The following GPC5 variants were observed in gnomAD, a reference collection of about 807,000 sequenced individuals.
GPC5 encodes glypican-5.
A neutral mutation model predicts 53.9 loss-of-function variants in GPC5; 47 were observed. That is an observed-to-expected ratio of 0.87 (90% CI 0.69 to 1.11). The LOEUF is 1.11. GPC5 is among the 50% of genes most tolerant of loss of function. The pLI, the probability that GPC5 is intolerant of heterozygous loss-of-function variation, is 0.00. For synonymous variants in GPC5, 286 were observed against 263.3 expected (o/e 1.09, Z -0.84); for missense variants, 748 against 713.1 (o/e 1.05, Z -0.56).
chr13:91,454,664 C>G (rs578213967), intron 2 of GPC5, among the ~76,000 whole-genome samples: 4 of 152,028 alleles, frequency 2.6e-5, no homozygotes, highest in Non-Finnish European at 5.9e-5. Context: ...TGATACTTAG[C>G]AAGAAGACTT....
intron 7 of GPC5, among the ~76,000 whole-genome samples, chr13:92,695,991 T>C (rs1887545651): frequency 6.6e-6 from 1 of 152,146 alleles, no homozygotes; most frequent in South Asian, 2.1e-4. Flanking sequence ...GAATGACAGT[T>C]TCCAGCCTCA....
chr13:91,610,471 G>T (rs1355318344), intron 2 of GPC5, among the ~76,000 whole-genome samples: 3 of 152,158 alleles, frequency 2.0e-5, no homozygotes, highest in African/African-American at 7.2e-5. Flanking sequence ...CAAAGGGATA[G>T]GCTATTAAGA....
rs2039399363 is a variant in GPC5, at chr13:91,892,621, TA to T, written c.1281-15311del. On this transcript the variant is annotated intron_variant, in intron 5 of 7. Transcript: ENST00000377067. ...CTGTTACAAATTAGTATTTTGTAGA[TA>T]AAAATTATTATATAATTTTAGAAAC... Among the ~76,000 whole-genome samples, 2 of 151,712 alleles carry T rather than the reference TA, an allele frequency of 1.3e-5. 1 individual carries two copies. Among genetic ancestry groups the T allele is most frequent in the South Asian group, 4.1e-4 (2 of 4,828 alleles).
chr13:92,817,655 T>A (rs1464751696), intron 7 of GPC5, among the ~76,000 whole-genome samples: 1 of 152,008 alleles, frequency 6.6e-6, no homozygotes, highest in Non-Finnish European at 1.5e-5. Flanking sequence ...CTTTGGAAAT[T>A]TTATTTTCTA....
At chr13:91,513,462 T>C (rs1437113458) in intron 2 of GPC5, among the ~76,000 whole-genome samples, 1 of 152,058 alleles carries the variant, frequency 6.6e-6, no homozygotes, top group African/African-American at 2.4e-5. Flanking sequence ...AACACTGGGC[T>C]GGGCGCGGTG....
intron 7 of GPC5, among the ~76,000 whole-genome samples, chr13:92,152,859 C>T (rs1422857915): frequency 6.6e-6 from 1 of 152,110 alleles, no homozygotes; most frequent in African/African-American, 2.4e-5. Context: ...TCCACCGAGT[C>T]CAAGAAATAC....
intron 7 of GPC5, among the ~76,000 whole-genome samples, chr13:92,233,605 C>T (rs1184563478): frequency 2.0e-5 from 3 of 152,068 alleles, no homozygotes; most frequent in African/African-American, 4.8e-5. Flanking sequence ...ATGCATTATT[C>T]TTTCATTACC....
intron 1 of GPC5, among the ~76,000 whole-genome samples, chr13:91,440,799 T>C (rs1007007941): frequency 5.3e-5 from 8 of 152,240 alleles, no homozygotes; most frequent in African/African-American, 1.9e-4. Flanking sequence ...GCAACAACTA[T>C]AATTTTCATT....
At chr13:91,441,094 T>A (rs56387415) in intron 1 of GPC5, among the ~76,000 whole-genome samples, 5,293 of 152,328 alleles carry the variant, frequency 0.035, 138 homozygotes, top group Non-Finnish European at 0.051. Flanking sequence ...AGAAAACTAA[T>A]CCCCTGCTTT....
chr13:92,684,914 T>A (rs141580256), intron 7 of GPC5, among the ~76,000 whole-genome samples: 1 of 152,176 alleles, frequency 6.6e-6, no homozygotes, highest in African/African-American at 2.4e-5. Context: ...AGTATTGGTA[T>A]TTTGGATTTT....
At chr13:92,510,630 G>C (rs1880530491) in intron 7 of GPC5, among the ~76,000 whole-genome samples, 1 of 152,120 alleles carries the variant, frequency 6.6e-6, no homozygotes, top group Admixed American at 6.6e-5. Flanking sequence ...CTCCTGCTGG[G>C]ATCAAGACAC....
intron 5 of GPC5, among the ~76,000 whole-genome samples, chr13:91,832,011 C>T (rs928305180): frequency 2.6e-5 from 4 of 150,992 alleles, no homozygotes; most frequent in East Asian, 1.9e-4. Context: ...TCCTGAATAT[C>T]CTTGTTAACC....
intron 6 of GPC5, among the ~76,000 whole-genome samples, chr13:92,109,124 T>G (rs1437511861): frequency 4.9e-5 from 7 of 142,342 alleles, no homozygotes; most frequent in Non-Finnish European, 1.0e-4. Flanking sequence ...TGGAGTGCAG[T>G]GGCACAATCT....
At chr13:92,385,729 A>ACG (rs1327101576) in intron 7 of GPC5, among the ~76,000 whole-genome samples, 58 of 144,282 alleles carry the variant, frequency 4.0e-4, no homozygotes, top group African/African-American at 1.3e-3. Context: ...ACATATATAC[A>ACG]TGTATATATA....
intron 6 of GPC5, among the ~76,000 whole-genome samples, chr13:91,998,833 T>C (rs1221382112): frequency 6.6e-6 from 1 of 152,190 alleles, no homozygotes; most frequent in Non-Finnish European, 1.5e-5. Context: ...CTGGTCCTGG[T>C]ATGAGAAAAC....
intron 5 of GPC5, among the ~76,000 whole-genome samples, chr13:91,792,118 T>C (rs2138750163): frequency 6.6e-6 from 1 of 152,334 alleles, no homozygotes; most frequent in African/African-American, 2.4e-5. Context: ...CCTGGCTTTA[T>C]TGAATTGCTT....
chr13:92,371,573 T>G (rs1256430164), intron 7 of GPC5, among the ~76,000 whole-genome samples: 3 of 152,140 alleles, frequency 2.0e-5, no homozygotes, highest in Non-Finnish European at 4.4e-5. Context: ...TTTGCATAGC[T>G]GGGAAGGACT....
intron 7 of GPC5, among the ~76,000 whole-genome samples, chr13:92,413,862 G>C (rs1258006109): frequency 1.3e-5 from 2 of 152,092 alleles, no homozygotes; most frequent in East Asian, 3.9e-4. Context: ...TGAACACTTA[G>C]GGCTCCTCAC....
At chr13:92,578,122 C>T (rs7319083) in intron 7 of GPC5, among the ~76,000 whole-genome samples, 82,730 of 151,992 alleles carry the variant, frequency 0.54, 24,223 homozygotes, top group African/African-American at 0.76. Flanking sequence ...GCTCCTTTTG[C>T]AGTAGAGGTG....
Sources: allele counts gnomAD v4.1 joint callset (sites outside exome capture counted in the v4.1 genomes callset), GRCh38; gene constraint gnomAD v4.1.1; transcripts MANE v1.5; gene names NCBI Gene and HGNC (gene_info 2026-07-23, HGNC 2026-07-21).